The following MYO5A variants were observed in gnomAD, a reference collection of about 807,000 sequenced individuals.
The protein encoded by MYO5A is unconventional myosin-Va.
MYO5A carries 98 observed loss-of-function variants against 249.7 expected under a neutral mutation model. The observed-to-expected ratio is 0.39, with a 90% CI of 0.33 to 0.46. The LOEUF (loss-of-function observed/expected upper bound fraction) is 0.46, where lower values mean the gene tolerates loss of function less well. Ranked by LOEUF, MYO5A falls within the 20% of genes least tolerant of loss-of-function variation. MYO5A has a pLI of 0.98. For synonymous variants in MYO5A, 778 were observed against 810.6 expected (o/e 0.96, Z 0.68); for missense variants, 1,696 against 2,308.8 (o/e 0.73, Z 5.44).
chr15:52,462,611 G>C (rs1220221703), intron 1 of MYO5A, among the ~76,000 whole-genome samples: 9 of 152,154 alleles, frequency 5.9e-5, no homozygotes, highest in African/African-American at 2.2e-4. Flanking sequence ...ACTTTCGGAG[G>C]CCAAGGTGGG....
chr15:52,517,084 A>G (rs891113341), intron 1 of MYO5A, among the ~76,000 whole-genome samples: 2 of 152,242 alleles, frequency 1.3e-5, no homozygotes, highest in African/African-American at 4.8e-5. Flanking sequence ...TTCTCAAAAC[A>G]GAATAAAGGT....
At chr15:52,359,863 A>T in intron 25 of MYO5A, 105 bp downstream of exon 25, 3 of 803,840 alleles carry the variant, frequency 3.7e-6, no homozygotes, top group Non-Finnish European at 6.3e-6. Flanking sequence ...ATTCAAACAA[A>T]TACTATGTTT....
intron 9 of MYO5A, among the ~76,000 whole-genome samples, chr15:52,402,259 T>C (rs569738408): frequency 6.6e-6 from 1 of 152,320 alleles, no homozygotes; most frequent in African/African-American, 2.4e-5. Flanking sequence ...TTTGTTGTTA[T>C]AAATTTTTAG....
chr15:52,369,407 G>A (rs145157233), intron 22 of MYO5A, among the ~76,000 whole-genome samples: 167 of 152,294 alleles, frequency 1.1e-3, no homozygotes, highest in African/African-American at 3.9e-3. Flanking sequence ...TTTTACAAAT[G>A]TTTCAGCAGT....
intron 1 of MYO5A, among the ~76,000 whole-genome samples, chr15:52,523,932 A>G (rs2077676137): frequency 7.3e-6 from 1 of 136,288 alleles, no homozygotes; most frequent in Non-Finnish European, 1.7e-5. Context: ...CGACATGAAA[A>G]TATTAGAATT....
At chr15:52,472,138 G>A (rs1297275674) in intron 1 of MYO5A, among the ~76,000 whole-genome samples, 1 of 151,426 alleles carries the variant, frequency 6.6e-6, no homozygotes, top group Admixed American at 6.6e-5. Context: ...GAGTGCAGTG[G>A]CAGGATCTCG....
rs1397711142 is a variant in MYO5A at position 52,453,012 on chromosome 15, T to C, written c.28-19727A>G. 2.6e-5 allele frequency among the ~76,000 whole-genome samples: 4 copies of C among 151,936 alleles called. No individual in the cohort carries two copies. The East Asian group carries it at 7.7e-4, about 29-fold the overall frequency. On this transcript the variant is annotated intron_variant, in intron 1 of 41. Transcript: ENST00000399233. ...GGGAAAGAAGGCTTATTCAAAGAAA[T>C]ATTAATAGTAAGAGAAAACTTTCCA... is the stretch of plus-strand genomic sequence containing the variant.
At chr15:52,462,678 T>A (rs925745576) in intron 1 of MYO5A, among the ~76,000 whole-genome samples, 2 of 151,902 alleles carry the variant, frequency 1.3e-5, no homozygotes, top group African/African-American at 4.8e-5. Context: ...TGAAACCCCA[T>A]CTCTACTAAA....
intron 36 of MYO5A, among the ~76,000 whole-genome samples, chr15:52,324,545 A>G (rs1567020260): frequency 6.6e-6 from 1 of 152,374 alleles, no homozygotes; most frequent in East Asian, 1.9e-4. Flanking sequence ...ACAGATGCCT[A>G]GCATCAAATG....
rs937887085 is a variant in MYO5A, at chr15:52,519,558, G to C, written c.27+9222C>G. ...GCCCAGGAGTTCGAGGCTGCAGTGA[G>C]CTATGCTTGCGCTACTGCACTCTAG... is the stretch of plus-strand genomic sequence containing the variant. On this transcript the variant is annotated intron_variant, in intron 1 of 41. Transcript: ENST00000399233. 4.0e-5 allele frequency among the ~76,000 whole-genome samples: 6 copies of C among 151,638 alleles called. No individual in the cohort carries two copies. The East Asian group carries it at 1.2e-3, about 29-fold the overall frequency.
chr15:52,370,130 T>C (rs2041027749), intron 22 of MYO5A, 39 bp downstream of exon 22: 1 of 1,612,930 alleles, frequency 6.2e-7, no homozygotes, highest in Non-Finnish European at 8.5e-7. Context: ...ACCTCTCTTT[T>C]GTGTACGGAG....
chr15:52,387,378 G>A (rs752060613), intron 14 of MYO5A, among the ~76,000 whole-genome samples: 1 of 152,194 alleles, frequency 6.6e-6, no homozygotes, highest in Non-Finnish European at 1.5e-5. Context: ...GATGGAGTGC[G>A]TAAGGCCACG....
chr15:52,357,452 C>CAAAAAAAAAAAA (rs35645503), intron 25 of MYO5A, among the ~76,000 whole-genome samples: 2 of 93,734 alleles, frequency 2.1e-5, no homozygotes, highest in African/African-American at 3.2e-5. Flanking sequence ...CTAGAACTAG[C>CAAAAAAAAAAAA]AAAAAAAAAA....
At chr15:52,528,644 G>T in intron 1 of MYO5A, 136 bp downstream of exon 1, 1 of 1,020,512 alleles carries the variant, frequency 9.8e-7, no homozygotes, top group Non-Finnish European at 1.3e-6. Context: ...GTAGGGCCGA[G>T]GGTTCTGAGG....
intron 12 of MYO5A, among the ~76,000 whole-genome samples, chr15:52,391,695 C>T (rs1488203472): frequency 6.6e-6 from 1 of 152,088 alleles, no homozygotes; most frequent in South Asian, 2.1e-4. Flanking sequence ...TAGTATCTAA[C>T]GTCAATTTTT....
intron 5 of MYO5A, among the ~76,000 whole-genome samples, chr15:52,415,508 T>A (rs567961817): frequency 6.6e-4 from 101 of 152,310 alleles, no homozygotes; most frequent in African/African-American, 2.4e-3. Context: ...TCTTCCCCTG[T>A]CAAAACCTTA....
At chr15:52,367,870 AACAC>A (rs3985806) in intron 22 of MYO5A, among the ~76,000 whole-genome samples, 60,787 of 141,618 alleles carry the variant, frequency 0.43, 15,510 homozygotes, top group Non-Finnish European at 0.56. Flanking sequence ...TATATTTTAA[AACAC>A]ACACACACAC....
chr15:52,498,388 A>G (rs2077084939), intron 1 of MYO5A, among the ~76,000 whole-genome samples: 1 of 152,206 alleles, frequency 6.6e-6, no homozygotes, highest in African/African-American at 2.4e-5. Flanking sequence ...GGCTTCTGAT[A>G]CATATATTGT....
At chr15:52,372,723 T>C (rs1407007958) in intron 20 of MYO5A, among the ~76,000 whole-genome samples, 3 of 152,202 alleles carry the variant, frequency 2.0e-5, no homozygotes, top group Non-Finnish European at 2.9e-5. Flanking sequence ...TACATTAGGT[T>C]TCTTATTAGT....
Sources: allele counts gnomAD v4.1 joint callset (sites outside exome capture counted in the v4.1 genomes callset), GRCh38; gene constraint gnomAD v4.1.1; transcripts MANE v1.5; gene names NCBI Gene and HGNC (gene_info 2026-07-23, HGNC 2026-07-21).